The following MAP2K5 variants were observed in gnomAD, a reference collection of about 807,000 sequenced individuals.
The protein encoded by MAP2K5 is dual specificity mitogen-activated protein kinase kinase 5.
MAP2K5 carries 49 observed loss-of-function variants against 83.1 expected under a neutral mutation model. The observed-to-expected ratio is 0.59, with a 90% confidence interval of 0.47 to 0.75. The LOEUF is 0.75. Ranked by LOEUF, MAP2K5 falls within the 30% of genes least tolerant of loss-of-function variation. The probability of loss-of-function intolerance (pLI) is 0.00; values close to 1 mark genes in which losing one functional copy is unlikely to be tolerated. For synonymous variants in MAP2K5, 202 were observed against 191.8 expected, an observed-to-expected ratio of 1.05 and a Z score of -0.44; for missense variants, 457 against 557.5, an observed-to-expected ratio of 0.82 and a Z score of 1.82.
chr15:67,716,602 A>G (rs1022427521), intron 16 of MAP2K5, among the ~76,000 whole-genome samples: 2 of 152,146 alleles, frequency 1.3e-5, no homozygotes, highest in Non-Finnish European at 2.9e-5. Context: ...TTTTTAACCT[A>G]AAGGGAGACT....
chr15:67,639,935 C>T (rs1454985745), intron 9 of MAP2K5, among the ~76,000 whole-genome samples: 4 of 152,120 alleles, frequency 2.6e-5, no homozygotes, highest in Admixed American at 6.5e-5. Flanking sequence ...CTGGATAAGC[C>T]CTGTCACATA....
chr15:67,566,999 G>A (rs183606370), intron 3 of MAP2K5, among the ~76,000 whole-genome samples: 1 of 152,158 alleles, frequency 6.6e-6, no homozygotes, highest in Non-Finnish European at 1.5e-5. Flanking sequence ...ACCAAAGTCT[G>A]TTGTCACACA....
At chr15:67,664,576 T>G in intron 12 of MAP2K5, 21 bp from the exon 13 acceptor site, 1 of 1,421,942 alleles carries the variant, frequency 7.0e-7, no homozygotes, top group Non-Finnish European at 9.9e-7. Context: ...AATTGTACTG[T>G]TTTCTTTTTC....
chr15:67,545,873 G>A (rs1392375977), intron 1 of MAP2K5, among the ~76,000 whole-genome samples: 1 of 152,146 alleles, frequency 6.6e-6, no homozygotes, highest in Non-Finnish European at 1.5e-5. Context: ...CATTAGTGTT[G>A]TTATTATTGA....
chr15:67,712,361 C>A (rs1269961000), intron 16 of MAP2K5, among the ~76,000 whole-genome samples: 1 of 152,180 alleles, frequency 6.6e-6, no homozygotes, highest in African/African-American at 2.4e-5. Context: ...TCCATGAGCA[C>A]AGTTTCCAGT....
intron 13 of MAP2K5, among the ~76,000 whole-genome samples, chr15:67,667,750 T>G (rs909239813): frequency 4.6e-5 from 7 of 152,200 alleles, no homozygotes; most frequent in Admixed American, 4.6e-4. Flanking sequence ...GAGAACAAAC[T>G]ATTTCTCGCA....
intron 12 of MAP2K5, chr15:67,658,879 C>T (rs2087160464): frequency 6.7e-6 from 3 of 447,642 alleles, no homozygotes; most frequent in South Asian, 1.8e-5. Flanking sequence ...GTAAAATTTC[C>T]AACTTCTTCT....
intron 9 of MAP2K5, among the ~76,000 whole-genome samples, chr15:67,645,889 T>A (rs2086820819): frequency 6.6e-6 from 1 of 152,172 alleles, no homozygotes; most frequent in African/African-American, 2.4e-5. Flanking sequence ...TTGAGGGTCA[T>A]TCCTATGCTC....
chr15:67,797,621 A>G (rs1261293677), intron 21 of MAP2K5, among the ~76,000 whole-genome samples: 3 of 151,910 alleles, frequency 2.0e-5, no homozygotes, highest in Admixed American at 1.3e-4. Flanking sequence ...CTAGGTATAG[A>G]TTTTATATTT....
At chr15:67,586,264 C>T (rs756464804) in intron 5 of MAP2K5, among the ~76,000 whole-genome samples, 4 of 152,128 alleles carry the variant, frequency 2.6e-5, no homozygotes, top group Non-Finnish European at 4.4e-5. Context: ...AAGCATATTG[C>T]ACATGGAATA....
In MAP2K5 at chr15:67,645,075, G is replaced by A. The variant is rs531213743; in HGVS notation, c.586-1156G>A. On this transcript the variant is annotated intron_variant, in intron 9 of 21. Coordinates refer to ENST00000178640, the MANE Select transcript of MAP2K5 (RefSeq NM_145160.3). ...AGACACGAGAATCGCTTGAGCCCAT[G>A]AGACAGAGGTTGCTTGAACCCAGGA... is the stretch of plus-strand genomic sequence containing the variant. Among the ~76,000 whole-genome samples the A allele has an allele frequency of 2.0e-5, 3 of 152,320 alleles. No individual in the cohort carries two copies. In the South Asian group the frequency reaches 6.2e-4, roughly 32 times the overall value.
At position 67,552,538 on chromosome 15, in the gene MAP2K5, G is replaced by A. The variant is rs886310524; in HGVS notation, c.184+2456G>A. ...CAGCCTTAAACTCCTGGGCTCAAGTGATCTTCCTGCCTCAGCCTCCCGAGT... is the reference window on the plus strand; with the variant it reads ...CAGCCTTAAACTCCTGGGCTCAAGTAATCTTCCTGCCTCAGCCTCCCGAGT... On this transcript the variant is annotated intron_variant, in intron 2 of 21. Transcript: ENST00000178640. The surrounding 1 kb of genome is among the most constrained non-coding windows in gnomAD (Gnocchi z 4.2). Among the ~76,000 whole-genome samples, 47 of 152,100 alleles carry A rather than the reference G, an allele frequency of 3.1e-4. 1 individual carries two copies. Among genetic ancestry groups the A allele is most frequent in the African/African-American group, 1.1e-3 (45 of 41,404 alleles).
At chr15:67,735,114 A>G (rs891006984) in intron 17 of MAP2K5, among the ~76,000 whole-genome samples, 2 of 152,216 alleles carry the variant, frequency 1.3e-5, no homozygotes, top group Non-Finnish European at 2.9e-5. Context: ...CTTCCTAGGA[A>G]TTTTTAAATT....
chr15:67,745,192 T>C, intron 17 of MAP2K5, among the ~76,000 whole-genome samples: 1 of 152,212 alleles, frequency 6.6e-6, no homozygotes, highest in East Asian at 1.9e-4. Context: ...ACGCAAAATG[T>C]ATAAGCAGGA....
At chr15:67,657,026 G>A (rs1182047611) in intron 11 of MAP2K5, among the ~76,000 whole-genome samples, 1 of 152,118 alleles carries the variant, frequency 6.6e-6, no homozygotes, top group African/African-American at 2.4e-5. Context: ...AGGACAAAAT[G>A]AATCAGTGAT....
rs189198812 is a variant in MAP2K5, at chr15:67,665,814, C to A, written c.847+1169C>A. Among the ~76,000 whole-genome samples the A allele has an allele frequency of 8.5e-5, 13 of 152,066 alleles. No homozygotes were observed. Among genetic ancestry groups the A allele is most frequent in the African/African-American group, 3.1e-4 (13 of 41,462 alleles). Reference sequence around the variant, plus strand: ...GAGTGAGTTTTGTTAGTGTTACTTTCTCTGAGTATAAATAAGTGTGTAAAC... The same window carrying A: ...GAGTGAGTTTTGTTAGTGTTACTTTATCTGAGTATAAATAAGTGTGTAAAC... On this transcript the variant is annotated intron_variant, in intron 13 of 21. Transcript: ENST00000178640. This position sits in a 1 kb window ranked among gnomAD's most constrained non-coding sequence, Gnocchi z 4.2.
chr15:67,687,250 G>A (rs982956184), intron 13 of MAP2K5, among the ~76,000 whole-genome samples: 2 of 152,174 alleles, frequency 1.3e-5, no homozygotes, highest in African/African-American at 4.8e-5. Context: ...CTGAAAACCA[G>A]GCTGTATTGG....
rs2089821500 is a variant in MAP2K5 at position 67,755,755 on chromosome 15, A to G, written c.1134+7154A>G. On this transcript the variant is annotated intron_variant, in intron 19 of 21. Transcript: ENST00000178640. This position sits in a 1 kb window ranked among gnomAD's most constrained non-coding sequence, Gnocchi z 4.7. The stretch of plus-strand genomic sequence containing the variant: ...AAGTTTTATGGTTAAATAGAGTCAT[A>G]AGAACTTGCAGAAGACATAGACTTT... Among the ~76,000 whole-genome samples the G allele has an allele frequency of 6.6e-6, 1 of 152,238 alleles. No individual in the cohort carries two copies. The highest frequency in any genetic ancestry group is 2.1e-4 in the South Asian group (1 of 4,826).
At chr15:67,658,418 A>G in intron 11 of MAP2K5, 135 bp from the exon 12 acceptor site, 1 of 649,528 alleles carries the variant, frequency 1.5e-6, no homozygotes, top group Non-Finnish European at 2.7e-6. Context: ...ATTGGACTAA[A>G]AAGTTTTATA....
Sources: allele counts gnomAD v4.1 joint callset (sites outside exome capture counted in the v4.1 genomes callset), GRCh38; gene constraint gnomAD v4.1.1; non-coding constraint Gnocchi (gnomAD v3.1); transcripts MANE v1.5; gene names NCBI Gene and HGNC (gene_info 2026-07-23, HGNC 2026-07-21).